Variants in GRK7 observed in about 807,000 individuals in gnomAD.
GRK7 encodes the protein rhodopsin kinase GRK7.
In GRK7, 24 loss-of-function variants were observed where a neutral mutation model predicts 34.1. The observed-to-expected ratio is 0.70, with a 90% confidence interval of 0.51 to 0.99. The LOEUF (loss-of-function observed/expected upper bound fraction) is 0.99. Among genes scored for constraint, GRK7 ranks in the 50% least tolerant of loss-of-function variants. The pLI is 0.00. For missense variants in GRK7, 644 were observed against 707.3 expected (o/e 0.91, Z 1.02); for synonymous variants, 256 against 279.4 (o/e 0.92, Z 0.84).
chr3:141,814,696 T>C (rs1711132740), intron 5 of GRK7, among the ~76,000 whole-genome samples: 1 of 152,198 alleles, frequency 6.6e-6, no homozygotes, highest in South Asian at 2.1e-4. Context: ...TATGAGTGTA[T>C]GTCTTTTAGG....
chr3:141,782,473 G>T (rs1335478732), intron 4 of GRK7, among the ~76,000 whole-genome samples: 1 of 152,186 alleles, frequency 6.6e-6, no homozygotes, highest in Non-Finnish European at 1.5e-5. Context: ...GGGACAGGCA[G>T]AGATGTTCAC....
At chr3:141,757,147 CTT>C in the GRK7 span, among the ~76,000 whole-genome samples, 6 of 89,470 alleles carry the variant, frequency 6.7e-5, no homozygotes, top group East Asian at 9.6e-4. Context: ...TTTTTTTTTT[CTT>C]TTTTTTTTTT....
intron 1 of GRK7, among the ~76,000 whole-genome samples, chr3:141,773,987 C>T (rs537736248): frequency 6.6e-6 from 1 of 152,324 alleles, no homozygotes; most frequent in Non-Finnish European, 1.5e-5. Context: ...CGTTTCCCCA[C>T]TTGGCGCAAG....
In GRK7 at chr3:141,817,006, G is replaced by C; in HGVS notation, c.1618G>C (p.Glu540Gln). ...LNDPNRPTGC[E>Q]EGNSSKSGVC... ...TGACCCCAACAGACCTACGGGTTGT[G>C]AGGAGGGTAATTCATCCAAGTCTGG... The change falls in exon 6 of 6, where the codon GAG becomes CAG. Residue 540 changes from glutamate (E) to glutamine (Q), a missense_variant. By Grantham distance (29) the Glu-to-Gln change is conservative. Transcript: ENST00000682958. 1.2e-6 allele frequency: 2 copies of C among 1,612,294 alleles called. No homozygotes were observed.
Position 141,816,796 on chromosome 3 carries a change from CCA to C in GRK7, c.1409_1410del (p.Pro470LeufsTer15). ...PRLEAGLIEP[P>X]FVPDPSVVYA... The stretch of plus-strand genomic sequence containing the variant: ...CCTGGAAGCTGGCCTAATTGAACCC[CCA>C]TTTGTGCCAGACCCTTCAGTGGTTT... On this transcript the variant is annotated frameshift_variant, in exon 6 of 6. Coordinates refer to ENST00000682958, the MANE Select transcript of GRK7 (RefSeq NM_139209.3). LOFTEE classifies it high-confidence loss of function. The C allele has an allele frequency of 6.2e-7, 1 of 1,601,306 alleles. No individual in the cohort carries two copies. The highest frequency in any genetic ancestry group is 1.1e-5 in the South Asian group (1 of 89,864).
At chr3:141,776,602 C>T (rs78323634) in intron 2 of GRK7, among the ~76,000 whole-genome samples, 1 of 152,184 alleles carries the variant, frequency 6.6e-6, no homozygotes, top group South Asian at 2.1e-4. Flanking sequence ...TCGTTTCCAG[C>T]GCAGCGGTGC....
chr3:141,789,656 C>CAAAAAAAAAAAAAAAAAAAAAAAAAAAAA (rs60765509), intron 4 of GRK7, among the ~76,000 whole-genome samples: 1 of 119,252 alleles, frequency 8.4e-6, no homozygotes, highest in African/African-American at 3.5e-5. Context: ...GCCAAATGGG[C>CAAAAAAAAAAAAAAAAAAAAAAAAAAAAA]AAAAAAAAAA....
chr3:141,798,590 G>T (rs899176621), intron 4 of GRK7, among the ~76,000 whole-genome samples: 6 of 152,162 alleles, frequency 3.9e-5, no homozygotes, highest in Admixed American at 3.9e-4. Flanking sequence ...GAGGCGCAGG[G>T]CCCTGTGTAA....
intron 2 of GRK7, among the ~76,000 whole-genome samples, chr3:141,777,134 C>T (rs985078560): frequency 6.6e-6 from 1 of 151,996 alleles, no homozygotes; most frequent in Non-Finnish European, 1.5e-5. Context: ...AGAGTCTGCT[C>T]GTTAGATTGT....
At chr3:141,785,662 G>T (rs1003236119) in intron 4 of GRK7, among the ~76,000 whole-genome samples, 1 of 152,074 alleles carries the variant, frequency 6.6e-6, no homozygotes, top group African/African-American at 2.4e-5. Context: ...TACTTGGGAG[G>T]CTGCTGTGGG....
chr3:141,814,377 C>A (rs548859067), intron 5 of GRK7, among the ~76,000 whole-genome samples: 2 of 152,106 alleles, frequency 1.3e-5, no homozygotes, highest in Non-Finnish European at 2.9e-5. Context: ...CCTTGCCACA[C>A]CCCCAAAACA....
Position 141,793,530 on chromosome 3 carries a change from G to A in GRK7, c.1050+12719G>A, listed in dbSNP as rs146221870. On this transcript the variant is annotated intron_variant, in intron 4 of 5. Transcript: ENST00000682958. ...GCAGAGAGAACCTCACCCCTAGTGC[G>A]GCAGGCGGTGGGGACTAAGACCTCA... Among the ~76,000 whole-genome samples, 1,199 of 152,322 alleles carry A rather than the reference G, an allele frequency of 7.9e-3. 5 individuals carry two copies. The highest frequency in any genetic ancestry group is 0.013 in the South Asian group (61 of 4,818).
rs143563591 is a variant in GRK7 at position 141,806,329 on chromosome 3, G to A, written c.1051-1316G>A. 7.4e-3 allele frequency among the ~76,000 whole-genome samples: 1,121 copies of A among 152,154 alleles called. 15 individuals carry two copies. The highest frequency in any genetic ancestry group is 0.025 in the African/African-American group (1,046 of 41,504). On this transcript the variant is annotated intron_variant, in intron 4 of 5. Coordinates refer to ENST00000682958, the MANE Select transcript of GRK7 (RefSeq NM_139209.3). ...TGTAATCTCAGCACTTTGGGAGGCCGAGGCGGGAGGATCACTTGAGGTCAG... is the reference window on the plus strand; with the variant it reads ...TGTAATCTCAGCACTTTGGGAGGCCAAGGCGGGAGGATCACTTGAGGTCAG...
Position 141,817,081 on chromosome 3 carries a change from G to A in GRK7, c.*31G>A. On this transcript the variant is annotated 3_prime_UTR_variant, in exon 6 of 6. Coordinates refer to ENST00000682958, the MANE Select transcript of GRK7 (RefSeq NM_139209.3). ...TCTCTTTACCAGACAGGCAGCAGGAGTCTCGGCTGACATAATCCTCGAATG... is the reference window on the plus strand; with the variant it reads ...TCTCTTTACCAGACAGGCAGCAGGAATCTCGGCTGACATAATCCTCGAATG... The A allele has an allele frequency of 1.3e-6, 2 of 1,496,924 alleles. No homozygotes were observed. Among genetic ancestry groups the A allele is most frequent in the Non-Finnish European group, 9.0e-7 (1 of 1,109,390 alleles). 92.7% of individuals were successfully genotyped at this position (1,496,924 alleles called of 1,614,324 possible). A position where few individuals can be genotyped will look rare whatever the true frequency, so the allele number is the denominator to read the frequency against.
intron 4 of GRK7, among the ~76,000 whole-genome samples, chr3:141,783,830 C>A (rs909278456): frequency 5.9e-5 from 9 of 152,102 alleles, no homozygotes; most frequent in African/African-American, 2.2e-4. Context: ...TGAAGTAACA[C>A]CGTCTCCTCT....
At chr3:141,799,871 A>T (rs557759418) in intron 4 of GRK7, among the ~76,000 whole-genome samples, 24 of 152,276 alleles carry the variant, frequency 1.6e-4, no homozygotes, top group African/African-American at 5.5e-4. Context: ...ATGGCAAGGT[A>T]TGTTGTCCAC....
intron 4 of GRK7, among the ~76,000 whole-genome samples, chr3:141,804,995 CAT>C (rs1475444416): frequency 6.6e-6 from 1 of 151,580 alleles, no homozygotes; most frequent in East Asian, 1.9e-4. Flanking sequence ...CGCACACACA[CAT>C]ACACTCACAC....
intron 4 of GRK7, among the ~76,000 whole-genome samples, chr3:141,797,082 C>A (rs148506382): frequency 6.6e-6 from 1 of 152,304 alleles, no homozygotes; most frequent in Non-Finnish European, 1.5e-5. Flanking sequence ...AAACCAACGC[C>A]AGTGTGGGAG....
chr3:141,771,649 A>G (rs958083668), intron 1 of GRK7, among the ~76,000 whole-genome samples: 1 of 152,170 alleles, frequency 6.6e-6, no homozygotes, highest in Non-Finnish European at 1.5e-5. Flanking sequence ...ATCATTATGT[A>G]ATATAGCCAT....
Sources: gnomAD v4.1 joint callset for allele counts (sites outside exome capture counted in the v4.1 genomes callset) on GRCh38, gnomAD v4.1.1 for gene constraint, MANE v1.5 for transcripts, NCBI Gene and HGNC (gene_info 2026-07-23, HGNC 2026-07-21) for gene names.